Variants in PMPCA observed in about 807,000 individuals in gnomAD.
PMPCA encodes the protein mitochondrial-processing peptidase subunit alpha.
A neutral mutation model predicts 59.3 loss-of-function variants in PMPCA; 47 were observed. That is an observed-to-expected ratio of 0.79 (90% confidence interval 0.63 to 1.01). PMPCA has a LOEUF of 1.01. Ranked by LOEUF, PMPCA falls within the 50% of genes least tolerant of loss-of-function variation. PMPCA has a pLI of 0.00. For synonymous variants in PMPCA, 338 were observed against 290.3 expected, an observed-to-expected ratio of 1.16 and a Z score of -1.67; for missense variants, 726 against 704.5, an observed-to-expected ratio of 1.03 and a Z score of -0.34.
intron 7 of PMPCA, among the ~76,000 whole-genome samples, chr9:136,417,737 A>G (rs1392209373): frequency 1.3e-5 from 2 of 151,224 alleles, no homozygotes; most frequent in Non-Finnish European, 2.9e-5. Context: ...TACAGGCGTA[A>G]GCCACCACGC....
chr9:136,417,363 G>A, intron 7 of PMPCA, 149 bp downstream of exon 7: 2 of 604,802 alleles, frequency 3.3e-6, no homozygotes, highest in Non-Finnish European at 5.6e-6. Context: ...CCACAGCAGG[G>A]CATGGACTGT....
Position 136,416,969 on chromosome 9 carries a change from A to T in PMPCA, c.652A>T (p.Thr218Ser), listed in dbSNP as rs1274988424. The T allele has an allele frequency of 6.2e-7, 1 of 1,611,440 alleles. No homozygotes were observed. The highest frequency in any genetic ancestry group is 8.5e-7 in the Non-Finnish European group (1 of 1,179,538). Residue 218 changes from threonine (T) to serine (S), a missense_variant, in exon 7 of 13, where the codon ACA becomes TCA. Coordinates refer to ENST00000371717, the MANE Select transcript of PMPCA (RefSeq NM_015160.3). Reference protein sequence around the residue: ...MIHEAAYRENTVGLHRFCPTE... With the variant: ...MIHEAAYRENSVGLHRFCPTE... ...CCATTAGGCGGCTTACAGGGAGAACACAGTTGGCCTCCACCGTTTCTGCCC... is the reference window on the plus strand; with the variant it reads ...CCATTAGGCGGCTTACAGGGAGAACTCAGTTGGCCTCCACCGTTTCTGCCC...
At chr9:136,419,203 G>A (rs1835375721) in intron 11 of PMPCA, 97 bp downstream of exon 11, 2 of 1,142,816 alleles carry the variant, frequency 1.8e-6, no homozygotes, top group Non-Finnish European at 1.3e-6. Flanking sequence ...TGGTCCCTGA[G>A]CCTCAGGGCC....
chr9:136,421,828 C>G lies in PMPCA; in HGVS notation c.1264-4C>G, dbSNP rs757406008. 8 of 1,581,752 alleles carry G rather than the reference C, an allele frequency of 5.1e-6. No homozygotes were observed. In the South Asian group the frequency reaches 9.2e-5, roughly 18 times the overall value. On this transcript the variant is annotated splice_region_variant and splice_polypyrimidine_tract_variant and intron_variant, in intron 11 of 12. Transcript: ENST00000371717. ...GTGCTCACCTGACTGGACCCTGGCC[C>G]CAGGTGGAGCTGGAACGAGCCAAGA...
At chr9:136,415,384 G>A (rs970303550) in intron 5 of PMPCA, among the ~76,000 whole-genome samples, 1 of 152,210 alleles carries the variant, frequency 6.6e-6, no homozygotes, top group Non-Finnish European at 1.5e-5. Flanking sequence ...ACCTCGGACC[G>A]TCTTTAAACA....
At chr9:136,415,346 G>A (rs1407260332) in intron 5 of PMPCA, among the ~76,000 whole-genome samples, 2 of 152,236 alleles carry the variant, frequency 1.3e-5, no homozygotes, top group Admixed American at 1.3e-4. Flanking sequence ...TGTTTTTAGC[G>A]AAATTGGTTC....
chr9:136,411,741 A>T (rs1163648993), intron 1 of PMPCA, among the ~76,000 whole-genome samples: 1 of 152,240 alleles, frequency 6.6e-6, no homozygotes, highest in Non-Finnish European at 1.5e-5. Flanking sequence ...ACTTAGAGTG[A>T]GTTACTGTTA....
chr9:136,419,176 G>A, intron 11 of PMPCA, 70 bp downstream of exon 11: 1 of 1,317,560 alleles, frequency 7.6e-7, no homozygotes, highest in Non-Finnish European at 1.1e-6. Context: ...CGTTGTAGGA[G>A]TGGCCACCTG....
Position 136,418,100 on chromosome 9 carries a change from C to T in PMPCA, c.981C>T (p.Cys327=). ...ACATCATGGTTGGACTGGAGAGCTG[C>T]TCCTTCCTGGTGAGTCCTGGTGCTG... ...LTHIMVGLES[C]SFLEEDFIPF... is the part of the protein sequence containing the mutation. The change falls in exon 8 of 13, where the codon TGC becomes TGT. Residue 327 remains cysteine (C), a synonymous_variant. Transcript: ENST00000371717. 6.2e-7 allele frequency: 1 copy of T among 1,611,134 alleles called. No individual in the cohort carries two copies. The highest frequency in any genetic ancestry group is 8.5e-7 in the Non-Finnish European group (1 of 1,177,252).
chr9:136,419,277 T>C, intron 11 of PMPCA, 171 bp downstream of exon 11: 1 of 708,684 alleles, frequency 1.4e-6, no homozygotes, highest in Non-Finnish European at 2.6e-6. Flanking sequence ...GCTGAGCTGC[T>C]CCACCTGGGA....
chr9:136,417,468 T>C (rs2131589882), intron 7 of PMPCA, among the ~76,000 whole-genome samples: 1 of 151,076 alleles, frequency 6.6e-6, no homozygotes, highest in Admixed American at 6.6e-5. Flanking sequence ...CACTGCGTGT[T>C]GCATTTTTTT....
chr9:136,423,130 T>C lies in PMPCA; in HGVS notation c.1444T>C (p.Ser482Pro). ...VKPEDVKRVA[S>P]KMLRGKPAVA... Reference sequence around the variant, plus strand: ...GCCGGAAGATGTGAAGAGAGTCGCTTCTAAGATGCTCCGAGGGAAGCCGGC... The same window carrying C: ...GCCGGAAGATGTGAAGAGAGTCGCTCCTAAGATGCTCCGAGGGAAGCCGGC... Residue 482 changes from serine to proline, a missense_variant, in exon 13 of 13, where the codon TCT becomes CCT. Physicochemically the swap from Ser to Pro is moderately conservative, Grantham distance 74. Coordinates refer to ENST00000371717, the MANE Select transcript of PMPCA (RefSeq NM_015160.3). 2 of 1,613,518 alleles carry C rather than the reference T, an allele frequency of 1.2e-6. No homozygotes were observed. Among genetic ancestry groups the C allele is most frequent in the Non-Finnish European group, 1.7e-6 (2 of 1,179,934 alleles).
rs1835382607 is a variant in PMPCA, at chr9:136,419,391, G to A, written c.1263+285G>A. 1.7e-5 allele frequency: 9 copies of A among 538,298 alleles called. No homozygotes were observed. The South Asian group carries it at 1.8e-4, about 11-fold the overall frequency. 33.3% of individuals were successfully genotyped at this position (538,298 alleles called of 1,614,324 possible). On this transcript the variant is annotated intron_variant, in intron 11 of 12. Coordinates refer to ENST00000371717, the MANE Select transcript of PMPCA (RefSeq NM_015160.3). ...CACTACTTCTTTCTCTGAGCCACTG[G>A]GTGAGTCGTGGGACTGACCATGTGA...
chr9:136,419,070 A>G lies in PMPCA; in HGVS notation c.1227A>G (p.Thr409=). Residue 409 remains threonine, a synonymous_variant, in exon 11 of 13, where the codon ACA becomes ACG. Coordinates refer to ENST00000371717, the MANE Select transcript of PMPCA (RefSeq NM_015160.3). ...TTCGAGAAATGGTAGAAATCATCACAAAGGAGTTTATTTTAATGGGCGGAA... is the reference window on the plus strand; with the variant it reads ...TTCGAGAAATGGTAGAAATCATCACGAAGGAGTTTATTTTAATGGGCGGAA... The part of the protein sequence containing the change: ...RQVREMVEII[T]KEFILMGGTV... 6.2e-7 allele frequency: 1 copy of G among 1,614,040 alleles called. No individual in the cohort carries two copies. Among genetic ancestry groups the G allele is most frequent in the East Asian group, 2.2e-5 (1 of 44,878 alleles).
chr9:136,416,257 C>T (rs1169722290), intron 5 of PMPCA, 34 bp from the exon 6 acceptor site: 1 of 1,481,976 alleles, frequency 6.7e-7, no homozygotes, highest in Non-Finnish European at 9.4e-7. Flanking sequence ...TCTGCCTGTG[C>T]AGACTCAGCC....
chr9:136,418,465 TCAGC>T, intron 8 of PMPCA, 86 bp from the exon 9 acceptor site: 1 of 860,116 alleles, frequency 1.2e-6, no homozygotes, highest in Non-Finnish European at 1.9e-6. Flanking sequence ...CTTGGGCGAC[TCAGC>T]CAGCTCTGCC....
chr9:136,412,936 A>G lies in PMPCA; in HGVS notation c.437+44A>G, dbSNP rs374699145. 3.5e-6 allele frequency: 4 copies of G among 1,130,988 alleles called. No individual in the cohort carries two copies. The African/African-American group carries it at 6.1e-5, about 17-fold the overall frequency. The allele number at this position is 1,130,988 out of a possible 1,614,324, so 70.1% of individuals were successfully genotyped here. Reference sequence around the variant, plus strand: ...ACAAACTGACTTTGGGTCCTTGGGAACTGACGTTCTTGTCGTTGCTCAGAT... The same window carrying G: ...ACAAACTGACTTTGGGTCCTTGGGAGCTGACGTTCTTGTCGTTGCTCAGAT... On this transcript the variant is annotated intron_variant, in intron 4 of 12. Coordinates refer to ENST00000371717, the MANE Select transcript of PMPCA (RefSeq NM_015160.3).
chr9:136,412,037 G>C lies in PMPCA; in HGVS notation c.112G>C (p.Ala38Pro), dbSNP rs200216451. 4 of 1,613,358 alleles carry C rather than the reference G, an allele frequency of 2.5e-6. No homozygotes were observed. The Admixed American group carries it at 6.7e-5, about 27-fold the overall frequency. ...PAYRRFSSGGAYPNIPLSSPL... is the reference protein window; with the variant it reads ...PAYRRFSSGGPYPNIPLSSPL... ...GTACAGACGGTTTAGTAGTGGTGGT[G>C]CCTATCCCAACATCCCCCTCTCTTC... Residue 38 changes from alanine (A) to proline (P), a missense_variant, in exon 2 of 13, where the codon GCC becomes CCC. By Grantham distance (27) the Ala-to-Pro change is conservative. Coordinates refer to ENST00000371717, the MANE Select transcript of PMPCA (RefSeq NM_015160.3).
rs537510833 is a variant in PMPCA at position 136,417,471 on chromosome 9, A to ATT, written c.897+274_897+275dup. On this transcript the variant is annotated intron_variant, in intron 7 of 12. Coordinates refer to ENST00000371717, the MANE Select transcript of PMPCA (RefSeq NM_015160.3). ...GAGTGGGTCTGCCACTGCGTGTTGCATTTTTTTTTTTTTTTTTTAGAGATG... is the reference window on the plus strand; with the variant it reads ...GAGTGGGTCTGCCACTGCGTGTTGCATTTTTTTTTTTTTTTTTTTTAGAGATG... Among the ~76,000 whole-genome samples the ATT allele has an allele frequency of 5.1e-4, 68 of 132,626 alleles. 1 individual carries two copies. Among genetic ancestry groups the ATT allele is most frequent in the East Asian group, 4.8e-3 (22 of 4,586 alleles). The allele number at this position is 132,626 out of a possible 152,430, so 87.0% of individuals were successfully genotyped here. A position where few individuals can be genotyped will look rare whatever the true frequency, so the allele number is the denominator to read the frequency against.
Sources: gnomAD v4.1 joint callset for allele counts (sites outside exome capture counted in the v4.1 genomes callset) on GRCh38, gnomAD v4.1.1 for gene constraint, MANE v1.5 for transcripts, NCBI Gene and HGNC (gene_info 2026-07-23, HGNC 2026-07-21) for gene names.